CSMD1: variants seen among roughly 807,000 people sequenced by gnomAD.
The protein encoded by CSMD1 is CUB and sushi domain-containing protein 1.
In CSMD1, 213 loss-of-function variants were observed where a neutral mutation model predicts 417.5. The ratio of observed to expected loss-of-function variants is 0.51; its 90% CI spans 0.46 to 0.57. The LOEUF is 0.57. Among genes scored for constraint, CSMD1 ranks in the 20% least tolerant of loss-of-function variants. CSMD1 has a pLI of 0.00. For synonymous variants in CSMD1, 2,862 were observed against 1,736.8 expected, an observed-to-expected ratio of 1.65 and a Z score of -16.11; for missense variants, 6,923 against 4,529.7, an observed-to-expected ratio of 1.53 and a Z score of -15.17.
chr8:4,577,173 C>A (rs1412925119), intron 2 of CSMD1, among the ~76,000 whole-genome samples: 1 of 151,978 alleles, frequency 6.6e-6, no homozygotes, highest in Non-Finnish European at 1.5e-5. Flanking sequence ...ATTTTTAATA[C>A]ATTTATTGAA....
intron 1 of CSMD1, among the ~76,000 whole-genome samples, chr8:4,696,373 C>T (rs554951655): frequency 2.0e-5 from 3 of 152,278 alleles, no homozygotes; most frequent in African/African-American, 7.2e-5. Context: ...TAAGGCCTAC[C>T]TCTATAGTAT....
At chr8:4,023,998 G>C (rs1354781877) in intron 4 of CSMD1, among the ~76,000 whole-genome samples, 1 of 151,872 alleles carries the variant, frequency 6.6e-6, no homozygotes, top group East Asian at 1.9e-4. Flanking sequence ...TATAAAGGCT[G>C]ACATATTTGA....
intron 5 of CSMD1, among the ~76,000 whole-genome samples, chr8:3,982,472 T>C (rs1022772705): frequency 5.3e-5 from 8 of 152,054 alleles, no homozygotes; most frequent in African/African-American, 1.9e-4. Context: ...TTACTATTAG[T>C]ATATACTCCA....
chr8:3,872,338 C>A (rs77206480), intron 5 of CSMD1, among the ~76,000 whole-genome samples: 1 of 152,178 alleles, frequency 6.6e-6, no homozygotes, highest in African/African-American at 2.4e-5. Context: ...AGCTTTCCCC[C>A]GGCAAAGTGC....
chr8:3,283,972 A>G (rs989405125), intron 26 of CSMD1, among the ~76,000 whole-genome samples, 172 bp downstream of exon 26: 14 of 152,268 alleles, frequency 9.2e-5, no homozygotes, highest in African/African-American at 3.4e-4. Flanking sequence ...CCATGAACCC[A>G]GCAATGGGGG....
At chr8:3,283,714 G>A (rs1297930815) in intron 26 of CSMD1, among the ~76,000 whole-genome samples, 4 of 152,160 alleles carry the variant, frequency 2.6e-5, no homozygotes, top group African/African-American at 4.8e-5. Flanking sequence ...CAGAGGAAAG[G>A]AATGAAGACA....
At chr8:4,876,964 T>C (rs1178281568) in intron 1 of CSMD1, among the ~76,000 whole-genome samples, 1 of 152,064 alleles carries the variant, frequency 6.6e-6, no homozygotes, top group Non-Finnish European at 1.5e-5. Context: ...TGTAATTTTA[T>C]GACAATTAAA....
intron 23 of CSMD1, among the ~76,000 whole-genome samples, chr8:3,320,810 G>A (rs1245210925): frequency 1.3e-5 from 2 of 152,264 alleles, no homozygotes; most frequent in South Asian, 2.1e-4. Context: ...TAAGCCACCC[G>A]CCTGCAGAGC....
intron 18 of CSMD1, among the ~76,000 whole-genome samples, chr8:3,374,620 C>A (rs1482546842): frequency 6.6e-6 from 1 of 152,162 alleles, no homozygotes; most frequent in Non-Finnish European, 1.5e-5. Context: ...TGTCCACTCC[C>A]AGGATGGTGA....
At chr8:3,699,607 T>C (rs1261936167) in intron 7 of CSMD1, among the ~76,000 whole-genome samples, 2 of 152,196 alleles carry the variant, frequency 1.3e-5, no homozygotes, top group African/African-American at 2.4e-5. Flanking sequence ...TTTCCATTTT[T>C]ACTCAATCAT....
intron 5 of CSMD1, among the ~76,000 whole-genome samples, chr8:3,932,336 A>G (rs1240452833): frequency 1.3e-5 from 2 of 150,508 alleles, no homozygotes; most frequent in Non-Finnish European, 3.0e-5. Context: ...AACTTTCCCC[A>G]TTTATTCTGC....
intron 10 of CSMD1, among the ~76,000 whole-genome samples, chr8:3,562,255 G>A (rs772106126): frequency 6.6e-6 from 1 of 152,136 alleles, no homozygotes; most frequent in Admixed American, 6.5e-5. Context: ...AACTCTAGTG[G>A]CATGGAGGCC....
intron 3 of CSMD1, among the ~76,000 whole-genome samples, chr8:4,189,914 C>G (rs1331700450): frequency 6.6e-6 from 1 of 151,472 alleles, no homozygotes; most frequent in Non-Finnish European, 1.5e-5. Context: ...AATCTGTACT[C>G]TTTTGCATAT....
chr8:4,442,776 T>C (rs1314647217), intron 2 of CSMD1, among the ~76,000 whole-genome samples: 1 of 152,228 alleles, frequency 6.6e-6, no homozygotes, highest in Non-Finnish European at 1.5e-5. Flanking sequence ...ACAGTAATGG[T>C]CTGTGATAAC....
intron 5 of CSMD1, among the ~76,000 whole-genome samples, chr8:3,832,873 T>A (rs532859156): frequency 6.6e-6 from 1 of 152,142 alleles, no homozygotes. Flanking sequence ...ATTTGGAGAA[T>A]CCAAGAAGAA....
chr8:3,928,687 T>C (rs1308493191), intron 5 of CSMD1, among the ~76,000 whole-genome samples: 1 of 150,368 alleles, frequency 6.7e-6, no homozygotes, highest in Non-Finnish European at 1.5e-5. Context: ...TTTTTTAAAT[T>C]GCTCCTGCTC....
chr8:4,987,360 G>T (rs1811232886), intron 1 of CSMD1, among the ~76,000 whole-genome samples: 1 of 152,178 alleles, frequency 6.6e-6, no homozygotes. Flanking sequence ...TGACAGGCGT[G>T]TTCAGTACAG....
intron 1 of CSMD1, among the ~76,000 whole-genome samples, chr8:4,747,135 G>A (rs2117031651): frequency 6.6e-6 from 1 of 152,292 alleles, no homozygotes; most frequent in South Asian, 2.1e-4. Context: ...CTAAGAGGTT[G>A]AAGAGATTTG....
At chr8:4,320,786 A>C (rs1201519588) in intron 3 of CSMD1, among the ~76,000 whole-genome samples, 1 of 152,106 alleles carries the variant, frequency 6.6e-6, no homozygotes, top group Non-Finnish European at 1.5e-5. Context: ...GTGATTCCTC[A>C]AGGATCTAGA....
Sources: allele counts gnomAD v4.1 joint callset (sites outside exome capture counted in the v4.1 genomes callset), GRCh38; gene constraint gnomAD v4.1.1; transcripts MANE v1.5; gene names NCBI Gene and HGNC (gene_info 2026-07-23, HGNC 2026-07-21).